The following ATXN1 variants were observed in gnomAD, a reference collection of about 807,000 sequenced individuals.
The protein encoded by ATXN1 is ataxin-1.
A neutral mutation model predicts 56.4 loss-of-function variants in ATXN1; 8 were observed. The observed-to-expected ratio is 0.14, with a 90% CI of 0.08 to 0.26. The LOEUF (loss-of-function observed/expected upper bound fraction) is 0.26. Ranked by LOEUF, ATXN1 falls within the 10% of genes least tolerant of loss-of-function variation. The pLI is 1.00. For missense variants in ATXN1, 987 were observed against 1,106.5 expected (o/e 0.89, Z 1.53); for synonymous variants, 514 against 494.6 (o/e 1.04, Z -0.52).
At chr6:16,623,210 T>C (rs1763349918) in intron 3 of ATXN1, among the ~76,000 whole-genome samples, 1 of 152,220 alleles carries the variant, frequency 6.6e-6, no homozygotes, top group Non-Finnish European at 1.5e-5. Context: ...CAGAAGTCTC[T>C]AGGAAACACC....
At chr6:16,688,057 C>A (rs372867632) in intron 2 of ATXN1, among the ~76,000 whole-genome samples, 3 of 152,166 alleles carry the variant, frequency 2.0e-5, no homozygotes, top group East Asian at 3.9e-4. Flanking sequence ...CCAGCATAAC[C>A]CCTGGTTGAG....
chr6:16,327,318 G>A lies in ATXN1; in HGVS notation c.993C>T (p.Ser331=). 2 of 1,613,126 alleles carry A rather than the reference G, an allele frequency of 1.2e-6. No homozygotes were observed. The highest frequency in any genetic ancestry group is 1.7e-6 in the Non-Finnish European group (2 of 1,179,990). ...KEVLNGEMEK[S]RRYGAPSSAD... is the part of the protein sequence containing the mutation. ...CTGAGGACGGGGCCCCGTACCGCCGGCTCTTCTCCATCTCACCGTTCAGGA... is the reference window on the plus strand; with the variant it reads ...CTGAGGACGGGGCCCCGTACCGCCGACTCTTCTCCATCTCACCGTTCAGGA... The change falls in exon 7 of 8, where the codon AGC becomes AGT. Residue 331 remains serine, a synonymous_variant. Transcript: ENST00000436367.
intron 6 of ATXN1, among the ~76,000 whole-genome samples, chr6:16,343,594 AGT>A (rs1478400518): frequency 6.6e-6 from 1 of 152,180 alleles, no homozygotes; most frequent in East Asian, 1.9e-4. Context: ...GCAGTATCTT[AGT>A]GTCACTGCTC....
chr6:16,731,797 C>G (rs1313457440), intron 2 of ATXN1, among the ~76,000 whole-genome samples: 1 of 151,902 alleles, frequency 6.6e-6, no homozygotes, highest in African/African-American at 2.4e-5. Context: ...CACTGGCATT[C>G]TCTGTGGTCA....
intron 5 of ATXN1, among the ~76,000 whole-genome samples, chr6:16,494,591 G>A (rs2113666774): frequency 6.6e-6 from 1 of 152,300 alleles, no homozygotes; most frequent in Admixed American, 6.5e-5. Context: ...CTGCTGCTGT[G>A]TGTATTTGTA....
chr6:16,746,880 A>G (rs1760552280), intron 2 of ATXN1, among the ~76,000 whole-genome samples: 1 of 152,170 alleles, frequency 6.6e-6, no homozygotes, highest in Admixed American at 6.5e-5. Flanking sequence ...GGAACTGTAC[A>G]ATGTCAGAGA....
At chr6:16,598,576 C>T (rs1372537829) in intron 3 of ATXN1, among the ~76,000 whole-genome samples, 2 of 152,184 alleles carry the variant, frequency 1.3e-5, no homozygotes, top group African/African-American at 4.8e-5. Flanking sequence ...TATAAAACTA[C>T]GCGGCCCAGA....
intron 6 of ATXN1, among the ~76,000 whole-genome samples, chr6:16,387,113 C>G (rs550620055): frequency 1.2e-4 from 19 of 152,322 alleles, no homozygotes; most frequent in African/African-American, 4.6e-4. Flanking sequence ...ATACATGCAT[C>G]TGGCACAAGG....
chr6:16,457,897 G>A (rs537560120), intron 6 of ATXN1, among the ~76,000 whole-genome samples: 50 of 152,284 alleles, frequency 3.3e-4, no homozygotes, highest in Non-Finnish European at 5.7e-4. Context: ...AGCTGTAGGG[G>A]GAGGGGAATT....
chr6:16,495,463 G>A (rs1232046886), intron 5 of ATXN1, among the ~76,000 whole-genome samples: 3 of 152,138 alleles, frequency 2.0e-5, no homozygotes, highest in Admixed American at 6.5e-5. Context: ...TTAAAAACAC[G>A]ACCTTGGAAG....
intron 4 of ATXN1, among the ~76,000 whole-genome samples, chr6:16,562,877 T>C (rs1020127299): frequency 4.0e-5 from 6 of 151,874 alleles, no homozygotes; most frequent in African/African-American, 1.2e-4. Context: ...GGCACATTCA[T>C]AGACTGAAGA....
At chr6:16,415,491 A>G (rs1434593984) in intron 6 of ATXN1, among the ~76,000 whole-genome samples, 1 of 152,228 alleles carries the variant, frequency 6.6e-6, no homozygotes, top group African/African-American at 2.4e-5. Flanking sequence ...TGGCCTCCCA[A>G]AGTGCTGGGA....
intron 3 of ATXN1, among the ~76,000 whole-genome samples, chr6:16,597,223 G>A (rs936174070): frequency 6.6e-6 from 1 of 152,212 alleles, no homozygotes; most frequent in African/African-American, 2.4e-5. Flanking sequence ...TTTGGGCTTT[G>A]TAAGGGAACC....
At position 16,322,660 on chromosome 6, in the gene ATXN1, G is replaced by A. The variant is rs1760682990; in HGVS notation, c.1917+3734C>T. Among the ~76,000 whole-genome samples, 4 of 152,168 alleles carry A rather than the reference G, an allele frequency of 2.6e-5. No individual in the cohort carries two copies. The South Asian group carries it at 8.3e-4, about 32-fold the overall frequency. ...CAGGCTAGGGGAGAAAACCCCTCAGGAAGGCACTGCAGAGGGGAGAAGGAT... is the reference window on the plus strand; with the variant it reads ...CAGGCTAGGGGAGAAAACCCCTCAGAAAGGCACTGCAGAGGGGAGAAGGAT... On this transcript the variant is annotated intron_variant, in intron 7 of 7. Coordinates refer to ENST00000436367, the MANE Select transcript of ATXN1 (RefSeq NM_001128164.2).
Position 16,377,732 on chromosome 6 carries a change from G to A in ATXN1, c.-160-49262C>T, listed in dbSNP as rs561178157. Among the ~76,000 whole-genome samples the A allele has an allele frequency of 5.9e-5, 9 of 152,352 alleles. No individual in the cohort carries two copies. The South Asian group carries it at 1.9e-3, about 32-fold the overall frequency. On this transcript the variant is annotated intron_variant, in intron 6 of 7. Transcript: ENST00000436367. Reference sequence around the variant, plus strand: ...CAGGAATGTGGCACAGAGAAGACAAGATGTAAGCTGAATCCTGAAAGATGA... The same window carrying A: ...CAGGAATGTGGCACAGAGAAGACAAAATGTAAGCTGAATCCTGAAAGATGA...
intron 3 of ATXN1, among the ~76,000 whole-genome samples, chr6:16,650,641 C>T (rs924545007): frequency 6.6e-5 from 10 of 152,304 alleles, no homozygotes; most frequent in South Asian, 2.1e-4. Flanking sequence ...AAGGTTTCTC[C>T]GCATGCAGTG....
intron 6 of ATXN1, among the ~76,000 whole-genome samples, chr6:16,380,069 C>T (rs179958): frequency 0.021 from 3,146 of 152,278 alleles, 121 homozygotes; most frequent in Admixed American, 0.095. Context: ...AACATGCCAG[C>T]GGGTACTTCC....
intron 3 of ATXN1, among the ~76,000 whole-genome samples, chr6:16,647,895 G>T (rs959521736): frequency 6.6e-6 from 1 of 152,166 alleles, no homozygotes; most frequent in Admixed American, 6.5e-5. Context: ...GGCCAATACG[G>T]TGAGACCCCC....
intron 6 of ATXN1, among the ~76,000 whole-genome samples, chr6:16,402,029 C>A (rs114922456): frequency 0.017 from 2,594 of 152,150 alleles, 73 homozygotes; most frequent in African/African-American, 0.058. Flanking sequence ...CAGGGGAATG[C>A]CTCTTTTTAA....
Sources: gnomAD v4.1 joint callset for allele counts (sites outside exome capture counted in the v4.1 genomes callset) on GRCh38, gnomAD v4.1.1 for gene constraint, MANE v1.5 for transcripts, NCBI Gene and HGNC (gene_info 2026-07-23, HGNC 2026-07-21) for gene names.